The following TMEM184C variants were observed in gnomAD, a reference collection of about 807,000 sequenced individuals.
TMEM184C encodes transmembrane protein 184C, also known as transmembrane protein 34.
Under a neutral mutation model 54.5 loss-of-function variants are expected in TMEM184C, and 25 were observed. The ratio of observed to expected loss-of-function variants is 0.46; its 90% CI spans 0.33 to 0.64. The LOEUF is 0.64. Among genes scored for constraint, TMEM184C ranks in the 30% least tolerant of loss-of-function variants. The probability of loss-of-function intolerance (pLI) is 0.02; values close to 1 mark genes in which losing one functional copy is unlikely to be tolerated. For synonymous variants in TMEM184C, 148 were observed against 181.5 expected (o/e 0.82, Z 1.49); for missense variants, 335 against 520.3 (o/e 0.64, Z 3.46).
In TMEM184C at chr4:147,634,632, T is replaced by G. The variant is rs981246904; in HGVS notation, c.*198T>G. ...TGGTCTAAATTTCCTAGACTTAGAC[T>G]TGATTTCTTAACATTAGGGTATCGC... On this transcript the variant is annotated 3_prime_UTR_variant, in exon 10 of 10. Coordinates refer to ENST00000296582, the MANE Select transcript of TMEM184C (RefSeq NM_018241.3). 1 of 591,084 alleles carries G rather than the reference T, an allele frequency of 1.7e-6. No individual in the cohort carries two copies. The highest frequency in any genetic ancestry group is 1.9e-5 in the African/African-American group (1 of 53,672). 36.6% of individuals were successfully genotyped at this position (591,084 alleles called of 1,614,324 possible).
intron 4 of TMEM184C, among the ~76,000 whole-genome samples, chr4:147,627,717 T>C (rs755617084): frequency 1.3e-5 from 2 of 151,862 alleles, no homozygotes; most frequent in Non-Finnish European, 2.9e-5. Flanking sequence ...CTGGGCAACA[T>C]AGTGAGACTC....
At position 147,635,576 on chromosome 4, in the gene TMEM184C, C is replaced by G. The variant is rs929900165; in HGVS notation, c.*1142C>G. ...CAGAAAGCAAAGATGAGTATTGTTT[C>G]TCAAAGCCTTTGCTTTATGTATTTA... On this transcript the variant is annotated 3_prime_UTR_variant, in exon 10 of 10. Coordinates refer to ENST00000296582, the MANE Select transcript of TMEM184C (RefSeq NM_018241.3). 2.8e-4 allele frequency: 42 copies of G among 152,294 alleles called. No homozygotes were observed. The highest frequency in any genetic ancestry group is 9.6e-4 in the African/African-American group (40 of 41,562). 9.4% of individuals were successfully genotyped at this position (152,294 alleles called of 1,614,324 possible). A position where few individuals can be genotyped will look rare whatever the true frequency, so the allele number is the denominator to read the frequency against.
intron 7 of TMEM184C, 55 bp from the exon 8 acceptor site, chr4:147,632,848 A>G: frequency 3.3e-6 from 5 of 1,516,664 alleles, no homozygotes; most frequent in Non-Finnish European, 4.5e-6. Flanking sequence ...TTTTAAAACT[A>G]CTGCTCATTT....
intron 5 of TMEM184C, 25 bp downstream of exon 5, chr4:147,628,460 C>CT (rs757034762): frequency 2.5e-4 from 401 of 1,579,474 alleles, no homozygotes; most frequent in Middle Eastern, 3.3e-4. Flanking sequence ...TTTATATGAA[C>CT]TTTTTTTTTC....
chr4:147,627,130 A>G (rs1202534574), intron 4 of TMEM184C, among the ~76,000 whole-genome samples: 2 of 152,192 alleles, frequency 1.3e-5, no homozygotes, highest in Non-Finnish European at 2.9e-5. Flanking sequence ...ATTCTTTTAG[A>G]TTGACTGACA....
rs1163807692 is a variant in TMEM184C at position 147,631,414 on chromosome 4, C to A, written c.688C>A (p.Leu230Ile). ...CTAGTTTGCCATGTATTGTCTCCTG[C>A]TCTTTTATAAAGTACTAAAAGAAGA... is the stretch of plus-strand genomic sequence containing the variant. ...SQLFAMYCLL[L>I]FYKVLKEELS... is the part of the protein sequence containing the mutation. Residue 230 changes from leucine to isoleucine, a missense_variant, in exon 7 of 10, where the codon CTC becomes ATC. Coordinates refer to ENST00000296582, the MANE Select transcript of TMEM184C (RefSeq NM_018241.3). 1.3e-6 allele frequency: 2 copies of A among 1,593,522 alleles called. No homozygotes were observed. Among genetic ancestry groups the A allele is most frequent in the Non-Finnish European group, 1.7e-6 (2 of 1,175,426 alleles).
chr4:147,630,564 CA>C (rs1732899219), intron 6 of TMEM184C, among the ~76,000 whole-genome samples: 4 of 151,888 alleles, frequency 2.6e-5, no homozygotes, highest in Admixed American at 2.0e-4. Context: ...TTCCATTGGC[CA>C]AAATATTAGG....
intron 4 of TMEM184C, 139 bp downstream of exon 4, chr4:147,625,148 T>G (rs1250017591): frequency 2.4e-5 from 18 of 749,040 alleles, no homozygotes; most frequent in Non-Finnish European, 3.4e-5. Context: ...CCTGATGCAG[T>G]TCATAGTTGT....
At position 147,623,819 on chromosome 4, in the gene TMEM184C, A is replaced by AT; in HGVS notation, c.124-11dup. ...ATATCAGAATTTATATTAACATGTTATTTTGTTTCTTAAGGTTGGAATACA... is the reference window on the plus strand; with the variant it reads ...ATATCAGAATTTATATTAACATGTTATTTTTGTTTCTTAAGGTTGGAATACA... On this transcript the variant is annotated splice_polypyrimidine_tract_variant and intron_variant, in intron 1 of 9. Coordinates refer to ENST00000296582, the MANE Select transcript of TMEM184C (RefSeq NM_018241.3). The AT allele has an allele frequency of 6.2e-7, 1 of 1,611,972 alleles. No homozygotes were observed. Among genetic ancestry groups the AT allele is most frequent in the South Asian group, 1.1e-5 (1 of 90,784 alleles).
rs112314099 is a variant in TMEM184C, at chr4:147,618,096, C to T, written c.123+17C>T. On this transcript the variant is annotated intron_variant, in intron 1 of 9. Transcript: ENST00000296582. The stretch of plus-strand genomic sequence containing the variant: ...AAACTGGAGGTAAGAGGGTTCTGCA[C>T]CATCAGCCTGTACACTTTCTTCTAC... 92 of 1,613,884 alleles carry T rather than the reference C, an allele frequency of 5.7e-5. 2 individuals are homozygous for T. The East Asian group carries it at 1.7e-3, about 31-fold the overall frequency.
At chr4:147,631,935 TTTGGGAG>T (rs1430821811) in intron 7 of TMEM184C, among the ~76,000 whole-genome samples, 1 of 152,108 alleles carries the variant, frequency 6.6e-6, no homozygotes, top group Admixed American at 6.6e-5. Context: ...ATCCCAGCAC[TTTGGGAG>T]GCCAAGACAG....
rs1361356547 is a variant in TMEM184C, at chr4:147,634,441, T to C, written c.*7T>C. The C allele has an allele frequency of 3.7e-6, 6 of 1,611,946 alleles. No individual in the cohort carries two copies. The highest frequency in any genetic ancestry group is 1.7e-5 in the Admixed American group (1 of 59,764). ...TAAATCCGTGGATTCCTGAACAGTA[T>C]GGAAAAGCAAACTGTGCAACTACTA... is the stretch of plus-strand genomic sequence containing the variant. On this transcript the variant is annotated 3_prime_UTR_variant, in exon 10 of 10. Transcript: ENST00000296582.
chr4:147,622,420 T>C (rs867519198), intron 1 of TMEM184C, among the ~76,000 whole-genome samples: 7 of 152,244 alleles, frequency 4.6e-5, no homozygotes, highest in African/African-American at 1.7e-4. Context: ...AAATAACTTA[T>C]TACAATATAT....
intron 6 of TMEM184C, among the ~76,000 whole-genome samples, chr4:147,630,089 G>A (rs1732888355): frequency 6.6e-6 from 1 of 151,500 alleles, no homozygotes; most frequent in South Asian, 2.1e-4. Flanking sequence ...GATGGTACAG[G>A]GTTTGAATAA....
rs1465098934 is a variant in TMEM184C, at chr4:147,623,865, C to G, written c.155C>G (p.Ala52Gly). ...VGIHTKAWFI[A>G]GIFLLLTIPI... ...ATACACACCAAGGCTTGGTTTATTG[C>G]TGGAATCTTTTTGCTGTTGACTATT... The change falls in exon 2 of 10, where the codon GCT (alanine) becomes GGT (glycine). Residue 52 changes from alanine to glycine, a missense_variant. Coordinates refer to ENST00000296582, the MANE Select transcript of TMEM184C (RefSeq NM_018241.3). 1.2e-6 allele frequency: 2 copies of G among 1,613,760 alleles called. No homozygotes were observed. The highest frequency in any genetic ancestry group is 2.7e-5 in the African/African-American group (2 of 74,882).
chr4:147,634,244 T>TATC lies in TMEM184C; in HGVS notation c.1138_1140dup (p.Ser380dup), dbSNP rs764114016. ...GATCAAAATGAACATACAAGTTTAT[T>TATC]ATCATCATCATCACAAGATGCAATT... On this transcript the variant is annotated inframe_insertion, in exon 10 of 10. Coordinates refer to ENST00000296582, the MANE Select transcript of TMEM184C (RefSeq NM_018241.3). 13 of 1,614,042 alleles carry TATC rather than the reference T, an allele frequency of 8.1e-6. No homozygotes were observed. In the African/African-American group the frequency reaches 9.3e-5, roughly 12 times the overall value.
In TMEM184C at chr4:147,634,594, T is replaced by TATCA. The variant is rs1194794602; in HGVS notation, c.*162_*165dup. ...TGCATTTATATATGTAAGTTTTGTA[T>TATCA]ATCAAAAATAATTGGTCTAAATTTC... On this transcript the variant is annotated 3_prime_UTR_variant, in exon 10 of 10. Transcript: ENST00000296582. 5.3e-6 allele frequency: 4 copies of TATCA among 749,256 alleles called. No homozygotes were observed. The highest frequency in any genetic ancestry group is 8.3e-6 in the Non-Finnish European group (4 of 482,878). The allele number at this position is 749,256 out of a possible 1,614,324, so 46.4% of individuals were successfully genotyped here. A position where few individuals can be genotyped will look rare whatever the true frequency, so the allele number is the denominator to read the frequency against.
intron 1 of TMEM184C, among the ~76,000 whole-genome samples, chr4:147,620,761 T>C (rs1732693534): frequency 6.6e-6 from 1 of 152,210 alleles, no homozygotes; most frequent in Non-Finnish European, 1.5e-5. Flanking sequence ...ATGGTGGTGC[T>C]AGTTACTGAG....
intron 1 of TMEM184C, among the ~76,000 whole-genome samples, 175 bp downstream of exon 1, chr4:147,618,254 G>A (rs1186155456): frequency 6.6e-6 from 1 of 152,150 alleles, no homozygotes; most frequent in African/African-American, 2.4e-5. Context: ...TTCAAGTCAT[G>A]CTACAGGTGG....
Sources: allele counts gnomAD v4.1 joint callset (sites outside exome capture counted in the v4.1 genomes callset), GRCh38; gene constraint gnomAD v4.1.1; transcripts MANE v1.5; gene names NCBI Gene and HGNC (gene_info 2026-07-23, HGNC 2026-07-21).